NEGR1: variants seen among roughly 807,000 people sequenced by gnomAD.
NEGR1 encodes IgLON family member 4.
Under a neutral mutation model 40.9 loss-of-function variants are expected in NEGR1, and 10 were observed. That is an observed-to-expected ratio of 0.24 (90% CI 0.15 to 0.42). NEGR1 has a LOEUF of 0.42. Ranked by LOEUF, NEGR1 falls within the 10% of genes least tolerant of loss-of-function variation. The probability of loss-of-function intolerance (pLI) is 1.00; values close to 1 mark genes in which losing one functional copy is unlikely to be tolerated. For synonymous variants in NEGR1, 185 were observed against 166.8 expected, an observed-to-expected ratio of 1.11 and a Z score of -0.84; for missense variants, 352 against 438.9, an observed-to-expected ratio of 0.80 and a Z score of 1.77.
At chr1:72,009,636 C>T (rs766412029) in intron 1 of NEGR1, among the ~76,000 whole-genome samples, 10 of 151,968 alleles carry the variant, frequency 6.6e-5, no homozygotes, top group Admixed American at 1.3e-4. Context: ...TGACAGTTTA[C>T]GTGTAACCTA....
chr1:71,727,316 A>C (rs982829740), intron 3 of NEGR1, among the ~76,000 whole-genome samples: 1 of 152,194 alleles, frequency 6.6e-6, no homozygotes, highest in Non-Finnish European at 1.5e-5. Context: ...AAAACAAATA[A>C]GTAATAACCA....
intron 1 of NEGR1, among the ~76,000 whole-genome samples, chr1:72,007,453 G>A (rs142055482): frequency 7.7e-4 from 116 of 151,528 alleles, no homozygotes; most frequent in African/African-American, 2.6e-3. Context: ...GTCAAGCTCA[G>A]TGTGAGCTCA....
intron 2 of NEGR1, among the ~76,000 whole-genome samples, chr1:71,816,031 C>G (rs1431100088): frequency 1.3e-5 from 2 of 152,038 alleles, no homozygotes; most frequent in Non-Finnish European, 1.5e-5. Context: ...AAAATCAATT[C>G]CTTTCAAACA....
intron 1 of NEGR1, among the ~76,000 whole-genome samples, chr1:72,061,626 C>G (rs1366207627): frequency 1.3e-5 from 2 of 151,802 alleles, no homozygotes; most frequent in Non-Finnish European, 1.5e-5. Context: ...CTTTTATCCA[C>G]CAAACAACAT....
rs894697921 is a variant in NEGR1, at chr1:71,398,708, T to C, written c.*8738A>G. 1 of 152,128 alleles carries C rather than the reference T, an allele frequency of 6.6e-6. No homozygotes were observed. The highest frequency in any genetic ancestry group is 1.5e-5 in the Non-Finnish European group (1 of 68,038). The allele number at this position is 152,128 out of a possible 1,614,324, so 9.4% of individuals were successfully genotyped here. ...TGGGAAAGCATGATTGGTTTTGAAA[T>C]GTGAGGACATGAGATTTGGGAGGGA... On this transcript the variant is annotated 3_prime_UTR_variant, in exon 7 of 7. Transcript: ENST00000357731.
chr1:72,118,963 T>C (rs1198013024), intron 1 of NEGR1, among the ~76,000 whole-genome samples: 1 of 151,734 alleles, frequency 6.6e-6, no homozygotes, highest in Non-Finnish European at 1.5e-5. Flanking sequence ...TGCATTTTTC[T>C]GGTTATTGGT....
At chr1:71,860,789 T>C (rs1423538581) in intron 2 of NEGR1, among the ~76,000 whole-genome samples, 1 of 151,984 alleles carries the variant, frequency 6.6e-6, no homozygotes, top group Non-Finnish European at 1.5e-5. Flanking sequence ...GATGAAAAAA[T>C]AAATCCTTAC....
chr1:72,261,297 A>C (rs1655445972), intron 1 of NEGR1, among the ~76,000 whole-genome samples: 1 of 152,116 alleles, frequency 6.6e-6, no homozygotes, highest in Admixed American at 6.6e-5. Flanking sequence ...TTAACACCTA[A>C]CATAATGTAT....
intron 4 of NEGR1, among the ~76,000 whole-genome samples, chr1:71,688,273 C>T (rs1242013460): frequency 9.2e-5 from 12 of 130,104 alleles, no homozygotes; most frequent in Non-Finnish European, 1.2e-4. Context: ...TTACATTGCC[C>T]GGAAAACAAA....
intron 6 of NEGR1, among the ~76,000 whole-genome samples, chr1:71,417,595 A>G (rs1361106124): frequency 6.6e-6 from 1 of 152,146 alleles, no homozygotes; most frequent in East Asian, 1.9e-4. Context: ...TGTGAGTTCT[A>G]TTTGAATGTG....
chr1:71,648,273 A>G (rs1651597757), intron 4 of NEGR1, among the ~76,000 whole-genome samples: 1 of 152,004 alleles, frequency 6.6e-6, no homozygotes. Context: ...AGCTATTTAA[A>G]GGTATATATG....
intron 6 of NEGR1, among the ~76,000 whole-genome samples, chr1:71,519,498 A>G (rs1467827385): frequency 2.6e-5 from 2 of 76,358 alleles, no homozygotes; most frequent in Non-Finnish European, 5.0e-5. Flanking sequence ...CAAACACCGC[A>G]TATTCTCACT....
At chr1:72,250,114 A>G (rs531520967) in intron 1 of NEGR1, among the ~76,000 whole-genome samples, 26 of 152,198 alleles carry the variant, frequency 1.7e-4, no homozygotes, top group Non-Finnish European at 3.2e-4. Context: ...AGTTCCATCA[A>G]TTGAAGACTA....
chr1:71,854,770 A>C (rs556335752), intron 2 of NEGR1, among the ~76,000 whole-genome samples: 3 of 152,146 alleles, frequency 2.0e-5, no homozygotes, highest in Admixed American at 6.5e-5. Flanking sequence ...AAACCATTAG[A>C]TCTTGTGAGA....
intron 6 of NEGR1, among the ~76,000 whole-genome samples, chr1:71,580,325 G>A (rs1162325011): frequency 7.0e-6 from 1 of 141,990 alleles, no homozygotes; most frequent in Admixed American, 7.0e-5. Flanking sequence ...GGGGAGGGGG[G>A]AGGGATAGCA....
chr1:72,274,990 A>T, intron 1 of NEGR1: 2 of 1,536,144 alleles, frequency 1.3e-6, no homozygotes, highest in Non-Finnish European at 1.8e-6. Context: ...CATAGTTAGT[A>T]CGACTGTGGA....
chr1:72,184,466 G>A (rs1237730125), intron 1 of NEGR1, among the ~76,000 whole-genome samples: 1 of 152,056 alleles, frequency 6.6e-6, no homozygotes. Flanking sequence ...TGAACTAAGA[G>A]AGAGTATAAT....
chr1:71,766,991 G>A (rs1275366290), intron 3 of NEGR1, among the ~76,000 whole-genome samples: 1 of 152,142 alleles, frequency 6.6e-6, no homozygotes. Context: ...TACGCTTCCT[G>A]TACAGCCTGC....
intron 3 of NEGR1, among the ~76,000 whole-genome samples, chr1:71,731,462 A>C (rs564605525): frequency 6.6e-6 from 1 of 152,348 alleles, no homozygotes; most frequent in South Asian, 2.1e-4. Context: ...TCTTTTTAAA[A>C]AGGCAGAGCC....
Sources: gnomAD v4.1 joint callset for allele counts (sites outside exome capture counted in the v4.1 genomes callset) on GRCh38, gnomAD v4.1.1 for gene constraint, MANE v1.5 for transcripts, NCBI Gene and HGNC (gene_info 2026-07-23, HGNC 2026-07-21) for gene names.